Variants in TUT7 observed in about 807,000 individuals in gnomAD.
TUT7 encodes terminal uridylyl transferase 7, also known as terminal uridylyltransferase 7.
A neutral mutation model predicts 165.9 loss-of-function variants in TUT7; 33 were observed. That is an observed-to-expected ratio of 0.20 (90% CI 0.15 to 0.27). The LOEUF is 0.27. Ranked by LOEUF, TUT7 falls within the 10% of genes least tolerant of loss-of-function variation. TUT7 has a pLI of 1.00. For synonymous variants in TUT7, 552 were observed against 608.1 expected, an observed-to-expected ratio of 0.91 and a Z score of 1.36; for missense variants, 1,338 against 1,762.3, an observed-to-expected ratio of 0.76 and a Z score of 4.31.
intron 16 of TUT7, among the ~76,000 whole-genome samples, chr9:86,318,617 T>G (rs1192250558): frequency 6.6e-6 from 1 of 152,230 alleles, no homozygotes; most frequent in Non-Finnish European, 1.5e-5. Flanking sequence ...ACTGCCTGTC[T>G]GGTAACAAAC....
At chr9:86,325,270 T>G (rs776522660) in intron 12 of TUT7, 64 bp downstream of exon 12, 12 of 1,471,040 alleles carry the variant, frequency 8.2e-6, no homozygotes, top group Middle Eastern at 1.8e-4. Context: ...ATAAAAAGCA[T>G]GCTGTTAGAC....
chr9:86,349,279 C>CA (rs879302155), intron 2 of TUT7, among the ~76,000 whole-genome samples: 107 of 131,994 alleles, frequency 8.1e-4, no homozygotes, highest in East Asian at 7.1e-3. Flanking sequence ...AACTCCATCT[C>CA]AAAAAAAAAA....
At chr9:86,336,634 A>G (rs1830804716) in intron 10 of TUT7, among the ~76,000 whole-genome samples, 1 of 152,228 alleles carries the variant, frequency 6.6e-6, no homozygotes, top group African/African-American at 2.4e-5. Context: ...GTGCATTAAG[A>G]AAAGTAGTTA....
intron 2 of TUT7, among the ~76,000 whole-genome samples, chr9:86,351,673 T>C (rs1414494436): frequency 6.6e-6 from 1 of 152,182 alleles, no homozygotes; most frequent in Admixed American, 6.5e-5. Flanking sequence ...CTGGCCACTG[T>C]GAGATAACAT....
At chr9:86,313,115 A>G (rs1828367384) in intron 17 of TUT7, among the ~76,000 whole-genome samples, 1 of 143,088 alleles carries the variant, frequency 7.0e-6, no homozygotes, top group Non-Finnish European at 1.5e-5. Flanking sequence ...GAAACACCCA[A>G]GAATGATCAA....
chr9:86,331,558 A>G (rs956833581), intron 10 of TUT7, among the ~76,000 whole-genome samples: 4 of 152,278 alleles, frequency 2.6e-5, no homozygotes, highest in East Asian at 1.9e-4. Flanking sequence ...TGTCTTCCCA[A>G]TGAATTGACC....
intron 24 of TUT7, 29 bp downstream of exon 24, chr9:86,304,827 T>G (rs1587872055): frequency 2.0e-6 from 3 of 1,491,972 alleles, no homozygotes; most frequent in Middle Eastern, 2.2e-4. Flanking sequence ...TTTTTATTTT[T>G]TATTTTTTGG....
intron 26 of TUT7, among the ~76,000 whole-genome samples, chr9:86,292,499 A>C (rs1464734307): frequency 6.6e-6 from 1 of 151,496 alleles, no homozygotes; most frequent in African/African-American, 2.4e-5. Context: ...TTGGAGACTT[A>C]ACCTCATAAT....
intron 2 of TUT7, chr9:86,352,474 A>G (rs1315042989): frequency 4.6e-6 from 3 of 646,324 alleles, no homozygotes; most frequent in Non-Finnish European, 2.6e-6. Context: ...TAAACTTTTA[A>G]AGGGATCAAC....
chr9:86,299,054 G>T (rs956484683), intron 26 of TUT7, among the ~76,000 whole-genome samples: 1 of 152,142 alleles, frequency 6.6e-6, no homozygotes. Context: ...GGACAGACAG[G>T]AGTGCTGCAG....
Position 86,323,234 on chromosome 9 carries a change from G to A in TUT7, c.2516C>T (p.Ser839Leu). 6.2e-7 allele frequency: 1 copy of A among 1,614,100 alleles called. No homozygotes were observed. Among genetic ancestry groups the A allele is most frequent in the Non-Finnish European group, 8.5e-7 (1 of 1,180,016 alleles). ...CTCTTCATCAGAGGGAATCATTTCT[G>A]ATGTCTGGCCCTGTACTGAGTGGGT... is the stretch of plus-strand genomic sequence containing the variant. ...HFTHSVQGQT[S>L]EMIPSDEEEE... Residue 839 changes from serine to leucine, a missense_variant, in exon 13 of 27, where the codon TCA becomes TTA. Transcript: ENST00000375963.
intron 25 of TUT7, 109 bp downstream of exon 25, chr9:86,302,977 C>T: frequency 1.8e-6 from 1 of 556,658 alleles, no homozygotes; most frequent in Non-Finnish European, 3.3e-6. Context: ...TATCTGAAAA[C>T]TGCTGGATTT....
intron 2 of TUT7, among the ~76,000 whole-genome samples, chr9:86,349,421 G>T (rs1034592313): frequency 6.6e-6 from 1 of 152,044 alleles, no homozygotes; most frequent in Non-Finnish European, 1.5e-5. Flanking sequence ...GTTCACAAAG[G>T]ACATGTGTAT....
At chr9:86,320,260 A>C in intron 14 of TUT7, among the ~76,000 whole-genome samples, 1 of 150,950 alleles carries the variant, frequency 6.6e-6, no homozygotes, top group African/African-American at 2.4e-5. Flanking sequence ...AATTTCCCAA[A>C]AAAAAAAAAA....
intron 26 of TUT7, chr9:86,298,900 C>T (rs2131290016): frequency 1.3e-6 from 1 of 790,186 alleles, no homozygotes; most frequent in East Asian, 1.3e-4. Flanking sequence ...AAAACCGAAA[C>T]CATATCCAAG....
rs1454674483 is a variant in TUT7, at chr9:86,346,343, C to T, written c.658G>A (p.Ala220Thr). Residue 220 changes from alanine to threonine, a missense_variant, in exon 3 of 27, where the codon GCT becomes ACT. Ala to Thr is a moderately conservative substitution (Grantham distance 58). Coordinates refer to ENST00000375963, the MANE Select transcript of TUT7 (RefSeq NM_024617.4). ...STKELLGLQQ[A>T]EERLKRDCID... ...CAGTCTCTCTTCAGTCTCTCCTCAGCCTGCTGTAAGCCTAGCAGCTCCTTC... is the reference window on the plus strand; with the variant it reads ...CAGTCTCTCTTCAGTCTCTCCTCAGTCTGCTGTAAGCCTAGCAGCTCCTTC... 1.9e-6 allele frequency: 3 copies of T among 1,614,080 alleles called. No homozygotes were observed. Among genetic ancestry groups the T allele is most frequent in the East Asian group, 2.2e-5 (1 of 44,872 alleles).
chr9:86,347,582 G>A (rs753663409), intron 2 of TUT7, among the ~76,000 whole-genome samples: 30 of 152,056 alleles, frequency 2.0e-4, no homozygotes, highest in African/African-American at 7.0e-4. Flanking sequence ...TGCTGAGAGC[G>A]CTAAAGGATA....
intron 12 of TUT7, 40 bp from the exon 13 acceptor site, chr9:86,324,000 CAT>C (rs760057379): frequency 1.2e-4 from 177 of 1,427,734 alleles, no homozygotes; most frequent in Non-Finnish European, 1.6e-4. Context: ...TCCATCTCTT[CAT>C]ATGTTACTAT....
At position 86,338,956 on chromosome 9, in the gene TUT7, A is replaced by T; in HGVS notation, c.1209-7T>A. ...CACTTTACACAGAAGACCACTGGTG[A>T]GAGGTGGGGGAGGAGGATGGGAAAG... On this transcript the variant is annotated splice_polypyrimidine_tract_variant and splice_region_variant and intron_variant, in intron 8 of 26. Transcript: ENST00000375963. The T allele has an allele frequency of 6.3e-7, 1 of 1,581,060 alleles. No homozygotes were observed. The highest frequency in any genetic ancestry group is 8.6e-7 in the Non-Finnish European group (1 of 1,162,072).
Sources: gnomAD v4.1 joint callset for allele counts (sites outside exome capture counted in the v4.1 genomes callset) on GRCh38, gnomAD v4.1.1 for gene constraint, MANE v1.5 for transcripts, NCBI Gene and HGNC (gene_info 2026-07-23, HGNC 2026-07-21) for gene names.